ANO6: variants seen among roughly 807,000 people sequenced by gnomAD.
ANO6 encodes anoctamin-6.
Under a neutral mutation model 117.5 loss-of-function variants are expected in ANO6, and 106 were observed. The ratio of observed to expected loss-of-function variants is 0.90; its 90% CI spans 0.77 to 1.06. The LOEUF is 1.06. Among genes scored for constraint, ANO6 ranks in the 50% least tolerant of loss-of-function variants. ANO6 has a pLI of 0.00. For missense variants in ANO6, 955 were observed against 1,121.1 expected, an observed-to-expected ratio of 0.85 and a Z score of 2.12; for synonymous variants, 367 against 385.1, an observed-to-expected ratio of 0.95 and a Z score of 0.55.
At chr12:45,386,400 CTTG>C (rs1480851835) in intron 10 of ANO6, among the ~76,000 whole-genome samples, 1 of 152,222 alleles carries the variant, frequency 6.6e-6, no homozygotes. Context: ...CTCTTGCACA[CTTG>C]ACCTTCTTAA....
intron 16 of ANO6, among the ~76,000 whole-genome samples, chr12:45,414,467 C>T (rs1231372287): frequency 6.6e-6 from 1 of 152,032 alleles, no homozygotes; most frequent in East Asian, 1.9e-4. Context: ...TTTCCCATGA[C>T]TTAGCTAGCT....
At chr12:45,252,631 G>T (rs560175520) in intron 1 of ANO6, among the ~76,000 whole-genome samples, 8 of 152,244 alleles carry the variant, frequency 5.3e-5, no homozygotes, top group African/African-American at 1.9e-4. Flanking sequence ...AAGGAGTTCT[G>T]TTACCTGGGG....
intron 12 of ANO6, among the ~76,000 whole-genome samples, chr12:45,395,322 C>G (rs888935079): frequency 1.8e-4 from 27 of 152,300 alleles, no homozygotes; most frequent in Non-Finnish European, 1.8e-4. Flanking sequence ...AGATCAATAA[C>G]AGGCTCTGAA....
chr12:45,381,247 A>G (rs1384882761), intron 10 of ANO6, among the ~76,000 whole-genome samples: 1 of 152,212 alleles, frequency 6.6e-6, no homozygotes, highest in Non-Finnish European at 1.5e-5. Flanking sequence ...CCTGATTAAG[A>G]GGAAGAGCTG....
intron 1 of ANO6, among the ~76,000 whole-genome samples, chr12:45,297,905 A>G (rs909321591): frequency 2.6e-5 from 4 of 152,198 alleles, no homozygotes; most frequent in African/African-American, 9.7e-5. Context: ...CTTAGAAATG[A>G]CACTAAAATT....
chr12:45,320,281 C>G (rs1940213019), intron 2 of ANO6, among the ~76,000 whole-genome samples: 1 of 151,978 alleles, frequency 6.6e-6, no homozygotes, highest in Admixed American at 6.6e-5. Flanking sequence ...CCTCTATGCA[C>G]TGCTTTAAAT....
chr12:45,318,106 G>A (rs2137356546), intron 2 of ANO6, among the ~76,000 whole-genome samples: 1 of 152,256 alleles, frequency 6.6e-6, no homozygotes, highest in East Asian at 1.9e-4. Context: ...TTCTTTTGCT[G>A]TGCAGAAGCT....
intron 2 of ANO6, among the ~76,000 whole-genome samples, chr12:45,306,874 A>T (rs577013099): frequency 2.6e-5 from 4 of 152,030 alleles, no homozygotes; most frequent in Non-Finnish European, 5.9e-5. Context: ...TGTTTAGGGA[A>T]TATCTCACTG....
intron 2 of ANO6, among the ~76,000 whole-genome samples, chr12:45,325,493 C>T (rs1264364514): frequency 1.3e-5 from 2 of 152,080 alleles, no homozygotes; most frequent in Non-Finnish European, 2.9e-5. Context: ...TACCACCTGT[C>T]TTGTTTTATT....
Position 45,216,098 on chromosome 12 carries a change from C to T in ANO6, c.-224C>T, listed in dbSNP as rs1947303809. 1 of 554,392 alleles carries T rather than the reference C, an allele frequency of 1.8e-6. No individual in the cohort carries two copies. Among genetic ancestry groups the T allele is most frequent in the East Asian group, 3.2e-5 (1 of 31,018 alleles). The allele number at this position is 554,392 out of a possible 1,614,324, so 34.3% of individuals were successfully genotyped here. A position where few individuals can be genotyped will look rare whatever the true frequency, so the allele number is the denominator to read the frequency against. On this transcript the variant is annotated 5_prime_UTR_variant, in exon 1 of 20. Coordinates refer to ENST00000320560, the MANE Select transcript of ANO6 (RefSeq NM_001025356.3). ...GGCGGCCGCACTGGGCATGCTCAGT[C>T]TCCGGGCTCCGCTCGGCAGGCGAGA...
chr12:45,332,509 A>C (rs10785570), intron 3 of ANO6, among the ~76,000 whole-genome samples: 1 of 151,804 alleles, frequency 6.6e-6, no homozygotes, highest in East Asian at 1.9e-4. Flanking sequence ...TTATATTTGC[A>C]TGGTGGAATA....
intron 1 of ANO6, among the ~76,000 whole-genome samples, chr12:45,246,921 C>T (rs548417448): frequency 5.9e-5 from 9 of 151,838 alleles, no homozygotes; most frequent in East Asian, 5.8e-4. Context: ...TGTGCCACCA[C>T]GCGCGGCTCA....
intron 1 of ANO6, among the ~76,000 whole-genome samples, chr12:45,223,888 A>G (rs1405032591): frequency 6.6e-6 from 1 of 152,134 alleles, no homozygotes; most frequent in East Asian, 1.9e-4. Context: ...GTAATTGTGG[A>G]AGGAATGGAT....
chr12:45,343,840 G>A (rs1281725982), intron 3 of ANO6, among the ~76,000 whole-genome samples: 6 of 152,080 alleles, frequency 3.9e-5, no homozygotes, highest in South Asian at 4.1e-4. Flanking sequence ...AGCTCCTGCC[G>A]TAACCTCTAC....
intron 1 of ANO6, among the ~76,000 whole-genome samples, chr12:45,238,913 C>T (rs999323984): frequency 6.6e-6 from 1 of 152,166 alleles, no homozygotes; most frequent in African/African-American, 2.4e-5. Context: ...GTTGGATAAG[C>T]TTTTTGATGT....
At chr12:45,217,970 T>A (rs148261919) in intron 1 of ANO6, among the ~76,000 whole-genome samples, 42 of 152,316 alleles carry the variant, frequency 2.8e-4, no homozygotes, top group South Asian at 1.9e-3. Flanking sequence ...CAGCAGTAGA[T>A]CTCAGTTTAG....
At chr12:45,341,002 A>G (rs1226177568) in intron 3 of ANO6, among the ~76,000 whole-genome samples, 1 of 152,208 alleles carries the variant, frequency 6.6e-6, no homozygotes, top group Non-Finnish European at 1.5e-5. Flanking sequence ...CCAAAAGAAA[A>G]TAACAAGAAC....
At chr12:45,303,682 A>G (rs533064002) in intron 2 of ANO6, among the ~76,000 whole-genome samples, 2 of 152,184 alleles carry the variant, frequency 1.3e-5, no homozygotes, top group South Asian at 4.1e-4. Context: ...TTCAGCATTA[A>G]CTTCTTGAGT....
intron 1 of ANO6, among the ~76,000 whole-genome samples, chr12:45,294,201 T>C (rs1339426471): frequency 1.3e-5 from 2 of 152,124 alleles, no homozygotes; most frequent in East Asian, 1.9e-4. Context: ...CGCTTTTGGA[T>C]TGGGGAATTG....
Sources: allele counts gnomAD v4.1 joint callset (sites outside exome capture counted in the v4.1 genomes callset), GRCh38; gene constraint gnomAD v4.1.1; transcripts MANE v1.5; gene names NCBI Gene and HGNC (gene_info 2026-07-23, HGNC 2026-07-21).